Variants in ALK observed in about 807,000 individuals in gnomAD.
ALK encodes the protein ALK tyrosine kinase receptor.
Under a neutral mutation model 163.1 loss-of-function variants are expected in ALK, and 74 were observed. The ratio of observed to expected loss-of-function variants is 0.45; its 90% CI spans 0.38 to 0.55. ALK has a LOEUF of 0.55. Among genes scored for constraint, ALK ranks in the 20% least tolerant of loss-of-function variants. The pLI is 0.00. For missense variants in ALK, 2,063 were observed against 2,105.3 expected, an observed-to-expected ratio of 0.98 and a Z score of 0.39; for synonymous variants, 960 against 843.2, an observed-to-expected ratio of 1.14 and a Z score of -2.40.
At chr2:29,226,233 C>G (rs1663988111) in intron 18 of ALK, among the ~76,000 whole-genome samples, 1 of 151,942 alleles carries the variant, frequency 6.6e-6, no homozygotes, top group Non-Finnish European at 1.5e-5. Context: ...AATCCCAGCA[C>G]TTTGGGAGGC....
At chr2:29,251,354 C>T (rs1052778715) in intron 11 of ALK, 87 bp from the exon 12 acceptor site, 3 of 1,353,128 alleles carry the variant, frequency 2.2e-6, no homozygotes, top group Admixed American at 2.0e-5. Context: ...GAGATATCTG[C>T]TCCATGGCCC....
intron 1 of ALK, among the ~76,000 whole-genome samples, chr2:29,779,393 G>A (rs895506059): frequency 1.3e-5 from 2 of 152,096 alleles, no homozygotes; most frequent in Admixed American, 1.3e-4. Flanking sequence ...TGCTTCCTTG[G>A]TTATAATGAA....
At chr2:29,665,146 T>A (rs1677476689) in intron 3 of ALK, among the ~76,000 whole-genome samples, 1 of 151,602 alleles carries the variant, frequency 6.6e-6, no homozygotes, top group Admixed American at 6.6e-5. Flanking sequence ...GACATTATGC[T>A]TGGATAATTC....
rs146778788 is a variant in ALK, at chr2:29,765,610, C to T, written c.668-47913G>A. Among the ~76,000 whole-genome samples the T allele has an allele frequency of 1.5e-4, 23 of 151,970 alleles. No homozygotes were observed. In the East Asian group the frequency reaches 1.9e-3, roughly 13 times the overall value. On this transcript the variant is annotated intron_variant, in intron 1 of 28. Transcript: ENST00000389048. Reference sequence around the variant, plus strand: ...TACAGGCATAAGCCACCATGCCTGGCGCTTTTAGAATAAAAAAAGAGTACC... The same window carrying T: ...TACAGGCATAAGCCACCATGCCTGGTGCTTTTAGAATAAAAAAAGAGTACC...
chr2:29,535,724 A>G (rs1673234648), intron 3 of ALK, among the ~76,000 whole-genome samples: 1 of 152,122 alleles, frequency 6.6e-6, no homozygotes, highest in Admixed American at 6.5e-5. Flanking sequence ...TCCTTGGTAA[A>G]ATGAAGTGTT....
chr2:29,335,348 T>A (rs1336097983), intron 5 of ALK, among the ~76,000 whole-genome samples: 1 of 152,210 alleles, frequency 6.6e-6, no homozygotes, highest in Non-Finnish European at 1.5e-5. Context: ...ATATAGCATT[T>A]TAATAGCTTA....
intron 1 of ALK, among the ~76,000 whole-genome samples, chr2:29,778,921 T>G (rs1325651315): frequency 6.6e-6 from 1 of 151,900 alleles, no homozygotes; most frequent in Non-Finnish European, 1.5e-5. Flanking sequence ...TTTGGGAGGC[T>G]GAGGCAAGCA....
chr2:29,460,888 A>G (rs1223189059), intron 4 of ALK, among the ~76,000 whole-genome samples: 1 of 152,168 alleles, frequency 6.6e-6, no homozygotes, highest in Non-Finnish European at 1.5e-5. Flanking sequence ...TTGAAAGCTG[A>G]GACAGACCAA....
intron 2 of ALK, among the ~76,000 whole-genome samples, chr2:29,710,004 C>T (rs1679025694): frequency 6.6e-6 from 1 of 152,158 alleles, no homozygotes; most frequent in Admixed American, 6.5e-5. Context: ...CTGTAGCTCT[C>T]ATAATTCCCA....
intron 4 of ALK, among the ~76,000 whole-genome samples, chr2:29,415,356 G>C (rs548317967): frequency 6.6e-6 from 1 of 151,998 alleles, no homozygotes; most frequent in Admixed American, 6.6e-5. Flanking sequence ...GGCTGGGTTG[G>C]CATTCAAACT....
intron 5 of ALK, among the ~76,000 whole-genome samples, chr2:29,378,041 AGAG>A (rs1448972316): frequency 6.6e-6 from 1 of 152,192 alleles, no homozygotes; most frequent in Non-Finnish European, 1.5e-5. Context: ...CTGAAAGAGA[AGAG>A]GAGATATAGT....
At chr2:29,374,084 T>C (rs532695273) in intron 5 of ALK, among the ~76,000 whole-genome samples, 4 of 152,160 alleles carry the variant, frequency 2.6e-5, no homozygotes, top group Non-Finnish European at 4.4e-5. Flanking sequence ...AAGGCAGATG[T>C]GAACCTGTAA....
intron 1 of ALK, among the ~76,000 whole-genome samples, chr2:29,833,866 G>A (rs1665487864): frequency 2.6e-5 from 4 of 152,110 alleles, no homozygotes; most frequent in Admixed American, 6.6e-5. Context: ...CAGTTTTGAT[G>A]CCATTGTCCT....
chr2:29,912,231 C>T (rs1667723330), intron 1 of ALK, among the ~76,000 whole-genome samples: 1 of 152,104 alleles, frequency 6.6e-6, no homozygotes, highest in Non-Finnish European at 1.5e-5. Flanking sequence ...AAGACATAAA[C>T]TTATAGACTC....
chr2:29,652,464 G>A (rs1025648496), intron 3 of ALK, among the ~76,000 whole-genome samples: 6 of 152,062 alleles, frequency 3.9e-5, no homozygotes, highest in East Asian at 1.9e-4. Flanking sequence ...TTTCATTTTC[G>A]ATCCCATTTC....
intron 1 of ALK, among the ~76,000 whole-genome samples, chr2:29,733,437 G>T (rs1460751750): frequency 6.6e-6 from 1 of 152,146 alleles, no homozygotes; most frequent in Non-Finnish European, 1.5e-5. Context: ...TAGATGTCAG[G>T]CTGGCCTGAA....
At chr2:29,572,038 C>A (rs1674390391) in intron 3 of ALK, among the ~76,000 whole-genome samples, 1 of 152,142 alleles carries the variant, frequency 6.6e-6, no homozygotes, top group Non-Finnish European at 1.5e-5. Context: ...GACCAAGAAC[C>A]AATGTTAGGG....
At chr2:29,705,820 A>G (rs1391207830) in intron 2 of ALK, among the ~76,000 whole-genome samples, 1 of 152,232 alleles carries the variant, frequency 6.6e-6, no homozygotes, top group African/African-American at 2.4e-5. Context: ...GGCCTTATTT[A>G]ATGATGCGCG....
chr2:29,796,628 T>A (rs940619004), intron 1 of ALK, among the ~76,000 whole-genome samples: 29 of 152,312 alleles, frequency 1.9e-4, no homozygotes, highest in African/African-American at 7.0e-4. Flanking sequence ...GATGGCCCTG[T>A]CTGCTTCAAC....
Sources: allele counts gnomAD v4.1 joint callset (sites outside exome capture counted in the v4.1 genomes callset), GRCh38; gene constraint gnomAD v4.1.1; transcripts MANE v1.5; gene names NCBI Gene and HGNC (gene_info 2026-07-23, HGNC 2026-07-21).